MGAT4C: variants seen among roughly 807,000 people sequenced by gnomAD.
MGAT4C encodes the protein MGAT4 family member C.
Under a neutral mutation model 40.1 loss-of-function variants are expected in MGAT4C, and 19 were observed. The ratio of observed to expected loss-of-function variants is 0.47; its 90% confidence interval spans 0.33 to 0.70. The LOEUF is 0.70. Ranked by LOEUF, MGAT4C falls within the 30% of genes least tolerant of loss-of-function variation. The pLI is 0.02. For missense variants in MGAT4C, 491 were observed against 563.2 expected (o/e 0.87, Z 1.30); for synonymous variants, 181 against 187.1 (o/e 0.97, Z 0.27).
chr12:86,683,036 A>G (rs1003307336), intron 2 of MGAT4C, among the ~76,000 whole-genome samples: 2 of 152,172 alleles, frequency 1.3e-5, no homozygotes, highest in African/African-American at 4.8e-5. Context: ...ATGAAGTTCA[A>G]TAAACTAGGA....
intron 4 of MGAT4C, among the ~76,000 whole-genome samples, chr12:86,314,263 G>A (rs756904947): frequency 1.3e-5 from 2 of 152,126 alleles, no homozygotes; most frequent in East Asian, 1.9e-4. Flanking sequence ...GGAGAGAGAA[G>A]GATAAGAGAT....
At chr12:86,092,219 T>C (rs1418575717) in intron 1 of MGAT4C, among the ~76,000 whole-genome samples, 1 of 152,114 alleles carries the variant, frequency 6.6e-6, no homozygotes, top group Non-Finnish European at 1.5e-5. Context: ...ATTTTTAAAA[T>C]TGCCAGTTGA....
At chr12:85,987,341 T>G (rs1424402941) in intron 3 of MGAT4C, among the ~76,000 whole-genome samples, 1 of 151,190 alleles carries the variant, frequency 6.6e-6, no homozygotes, top group East Asian at 2.0e-4. Context: ...GTTTCACCGT[T>G]TTAGCCGGGA....
intron 1 of MGAT4C, among the ~76,000 whole-genome samples, chr12:86,054,623 T>C (rs1285628107): frequency 6.6e-6 from 1 of 151,996 alleles, no homozygotes; most frequent in East Asian, 1.9e-4. Context: ...AATTTAGCCA[T>C]TCCACAATGT....
At chr12:86,280,740 G>C (rs952766180) in intron 4 of MGAT4C, among the ~76,000 whole-genome samples, 3 of 150,704 alleles carry the variant, frequency 2.0e-5, no homozygotes, top group Non-Finnish European at 4.4e-5. Context: ...ATTGCGAGAT[G>C]ATTTTCAAAA....
At chr12:86,381,806 CG>C (rs1233287296) in intron 3 of MGAT4C, among the ~76,000 whole-genome samples, 1 of 152,044 alleles carries the variant, frequency 6.6e-6, no homozygotes, top group African/African-American at 2.4e-5. Flanking sequence ...AATTGAGTCA[CG>C]GGGGCAGGTC....
intron 2 of MGAT4C, among the ~76,000 whole-genome samples, chr12:86,586,146 T>A (rs1342047422): frequency 7.6e-6 from 1 of 130,966 alleles, no homozygotes; most frequent in Non-Finnish European, 1.6e-5. Context: ...TTCCCCTTCC[T>A]GTGTCCATGT....
At chr12:86,117,804 T>A (rs1216553224) in intron 1 of MGAT4C, among the ~76,000 whole-genome samples, 2 of 152,090 alleles carry the variant, frequency 1.3e-5, no homozygotes, top group African/African-American at 2.4e-5. Flanking sequence ...TACTAATTCA[T>A]CCAACAGAGA....
chr12:86,283,173 A>C (rs1005926074), intron 4 of MGAT4C, among the ~76,000 whole-genome samples: 5 of 151,632 alleles, frequency 3.3e-5, no homozygotes, highest in Non-Finnish European at 2.9e-5. Flanking sequence ...GGGTTCTACC[A>C]TTCTGCCTTC....
At chr12:86,440,422 C>T (rs1346711949) in intron 2 of MGAT4C, among the ~76,000 whole-genome samples, 1 of 151,774 alleles carries the variant, frequency 6.6e-6, no homozygotes, top group Non-Finnish European at 1.5e-5. Context: ...TCAATAAAAC[C>T]CAGCATCCCT....
intron 1 of MGAT4C, among the ~76,000 whole-genome samples, chr12:86,099,423 T>C (rs923209191): frequency 6.6e-5 from 10 of 150,956 alleles, no homozygotes; most frequent in Non-Finnish European, 1.3e-4. Flanking sequence ...TTTTTCTTTT[T>C]CTTTTTTATT....
At chr12:86,065,490 G>T (rs1455400216) in intron 1 of MGAT4C, among the ~76,000 whole-genome samples, 1 of 151,988 alleles carries the variant, frequency 6.6e-6, no homozygotes, top group Non-Finnish European at 1.5e-5. Context: ...GCAGGAAAGG[G>T]CTTTGACAAC....
chr12:86,565,064 TG>T (rs1343388240), intron 2 of MGAT4C, among the ~76,000 whole-genome samples: 2 of 152,176 alleles, frequency 1.3e-5, no homozygotes, highest in East Asian at 1.9e-4. Context: ...GCTCTTGGCC[TG>T]TTACTGCGCT....
chr12:85,973,686 T>A lies in MGAT4C; in HGVS notation c.*5603A>T, dbSNP rs1418455928. 1 of 150,886 alleles carries A rather than the reference T, an allele frequency of 6.6e-6. No homozygotes were observed. Among genetic ancestry groups the A allele is most frequent in the Non-Finnish European group, 1.5e-5 (1 of 67,106 alleles). 9.3% of individuals were successfully genotyped at this position (150,886 alleles called of 1,614,324 possible). ...TATATTCTTAATTTAATTGTACTTC[T>A]ATGGTCATATACAATTTACCTATCA... On this transcript the variant is annotated 3_prime_UTR_variant, in exon 5 of 5. Transcript: ENST00000611864.
At chr12:86,201,522 A>T (rs1434374683) in intron 1 of MGAT4C, among the ~76,000 whole-genome samples, 1 of 149,670 alleles carries the variant, frequency 6.7e-6, no homozygotes, top group Non-Finnish European at 1.5e-5. Context: ...TTTATATTAA[A>T]TTTAAAATTT....
rs71078904 is a variant in MGAT4C at position 86,497,893 on chromosome 12, AATAT to A, written c.-228-62632_-228-62629del. Among the ~76,000 whole-genome samples the A allele has an allele frequency of 4.4e-3, 591 of 133,878 alleles. 3 individuals are homozygous for A. Among genetic ancestry groups the A allele is most frequent in the African/African-American group, 0.013 (492 of 36,460 alleles). 87.8% of individuals were successfully genotyped at this position (133,878 alleles called of 152,430 possible). A position where few individuals can be genotyped will look rare whatever the true frequency, so the allele number is the denominator to read the frequency against. The stretch of plus-strand genomic sequence containing the variant: ...TGCTAATTTTCTCATGAAATTCCTA[AATAT>A]ATATATATATATATATATACGCACA... On this transcript the variant is annotated intron_variant, in intron 2 of 7. Transcript: ENST00000548651.
intron 1 of MGAT4C, among the ~76,000 whole-genome samples, chr12:86,743,142 G>C (rs571311911): frequency 6.6e-6 from 1 of 150,830 alleles, no homozygotes. Flanking sequence ...GTGTGTGTGT[G>C]TGTGTATAGA....
Position 86,005,911 on chromosome 12 carries a change from C to T in MGAT4C, c.-6-16359G>A, listed in dbSNP as rs890878768. Among the ~76,000 whole-genome samples the T allele has an allele frequency of 6.6e-4, 101 of 152,206 alleles. 1 individual carries two copies. The highest frequency in any genetic ancestry group is 2.4e-3 in the African/African-American group (98 of 41,532). On this transcript the variant is annotated intron_variant, in intron 2 of 4. Transcript: ENST00000611864. ...AAAAATAAGTGTGACTAGAGAGATA[C>T]ATTTTATGTTCCAGTGGAAAAATAT...
intron 1 of MGAT4C, among the ~76,000 whole-genome samples, chr12:86,183,316 A>T (rs1359026774): frequency 2.0e-5 from 3 of 152,184 alleles, no homozygotes; most frequent in African/African-American, 4.8e-5. Context: ...ACAGATCTCA[A>T]AATGCAAGAA....
Sources: gnomAD v4.1 joint callset for allele counts (sites outside exome capture counted in the v4.1 genomes callset) on GRCh38, gnomAD v4.1.1 for gene constraint, MANE v1.5 for transcripts, NCBI Gene and HGNC (gene_info 2026-07-23, HGNC 2026-07-21) for gene names.